Variants in YWHAZ observed in about 807,000 individuals in gnomAD.
YWHAZ encodes the protein tyrosine 3-monooxygenase/tryptophan 5-monooxygenase activation protein zeta, also known as 14-3-3 protein zeta/delta.
For synonymous variants in YWHAZ, 87 were observed against 103.6 expected, an observed-to-expected ratio of 0.84 and a Z score of 0.97; for missense variants, 79 against 284.8, an observed-to-expected ratio of 0.28 and a Z score of 5.20.
chr8:100,938,040 G>C, intron 2 of YWHAZ, among the ~76,000 whole-genome samples: 1 of 152,150 alleles, frequency 6.6e-6, no homozygotes, highest in East Asian at 1.9e-4. Flanking sequence ...TGAGGCGGGA[G>C]AATCACTTGA....
chr8:100,952,124 C>G, upstream of YWHAZ: 3 of 986,374 alleles, frequency 3.0e-6, no homozygotes, highest in Non-Finnish European at 2.4e-6. Context: ...TGACGTCAAA[C>G]GCTGCTATGG....
At chr8:100,925,079 T>G in intron 2 of YWHAZ, 40 bp from the exon 3 acceptor site, 1 of 1,563,852 alleles carries the variant, frequency 6.4e-7, no homozygotes, top group East Asian at 2.3e-5. Flanking sequence ...GAATAAAACA[T>G]TTACAAAACT....
intron 2 of YWHAZ, among the ~76,000 whole-genome samples, chr8:100,942,606 A>T (rs1809955785): frequency 6.6e-6 from 1 of 152,252 alleles, no homozygotes; most frequent in African/African-American, 2.4e-5. Flanking sequence ...TCTGATGCTG[A>T]AAGACAGATA....
rs1313350013 is a variant in YWHAZ at position 100,951,986 on chromosome 8, G to A, written c.-69C>T. On this transcript the variant is annotated 5_prime_UTR_variant, in exon 1 of 6. Coordinates refer to ENST00000395958, the MANE Select transcript of YWHAZ (RefSeq NM_145690.3). ...ACGGGCTCAGCAGTCTCTGGGCGGC[G>A]GCGGCGGCAGCAGCGGCGAGGCTGA... 4.0e-6 allele frequency: 4 copies of A among 1,004,428 alleles called. No homozygotes were observed. The highest frequency in any genetic ancestry group is 6.1e-5 in the Admixed American group (1 of 16,520). 62.2% of individuals were successfully genotyped at this position (1,004,428 alleles called of 1,614,324 possible). A position where few individuals can be genotyped will look rare whatever the true frequency, so the allele number is the denominator to read the frequency against.
At chr8:100,952,169 C>T (rs1810842618), upstream of YWHAZ, 2 of 984,920 alleles carry the variant, frequency 2.0e-6, no homozygotes, top group Non-Finnish European at 1.2e-6. Context: ...GATCGGGGCC[C>T]CGCGTAACCG....
intron 1 of YWHAZ, chr8:100,951,047 T>G: frequency 2.8e-4 from 21 of 74,266 alleles, no homozygotes; most frequent in Non-Finnish European, 4.1e-4. Flanking sequence ...CGTCCACACC[T>G]CCCCCGCCCG....
Position 100,924,186 on chromosome 8 carries a change from G to C in YWHAZ, c.531C>G (p.Phe177Leu). The change falls in exon 4 of 6, where the codon TTC (phenylalanine) becomes TTG (leucine). Residue 177 changes from phenylalanine to leucine, a missense_variant. Physicochemically the swap from Phe to Leu is conservative, Grantham distance 22. Transcript: ENST00000395958. This position sits in a 1 kb window ranked among gnomAD's most constrained non-coding sequence, Gnocchi z 5.7. ...CTGGGGAGTTCAGAATCTCATAATAGAACACAGAGAAGTTAAGGGCCAGAC... is the reference window on the plus strand; with the variant it reads ...CTGGGGAGTTCAGAATCTCATAATACAACACAGAGAAGTTAAGGGCCAGAC... ...RLGLALNFSV[F>L]YYEILNSPEK... 2 of 1,613,890 alleles carry C rather than the reference G, an allele frequency of 1.2e-6. No individual in the cohort carries two copies. The highest frequency in any genetic ancestry group is 1.7e-6 in the Non-Finnish European group (2 of 1,179,940).
chr8:100,935,401 G>C (rs1361816975), intron 2 of YWHAZ, among the ~76,000 whole-genome samples: 1 of 152,130 alleles, frequency 6.6e-6, no homozygotes, highest in East Asian at 1.9e-4. Flanking sequence ...ATCATCAAGA[G>C]TGTATTACCT....
intron 1 of YWHAZ, among the ~76,000 whole-genome samples, chr8:100,949,479 A>C (rs368678221): frequency 6.6e-6 from 1 of 152,160 alleles, no homozygotes; most frequent in Non-Finnish European, 1.5e-5. Flanking sequence ...CAATAATAGC[A>C]TAACAATTTG....
rs983478579 is a variant in YWHAZ at position 100,948,083 on chromosome 8, G to A, written c.294+513C>T. On this transcript the variant is annotated intron_variant, in intron 2 of 5. Coordinates refer to ENST00000395958, the MANE Select transcript of YWHAZ (RefSeq NM_145690.3). This position sits in a 1 kb window ranked among gnomAD's most constrained non-coding sequence, Gnocchi z 4.2. ...GTGAGTGTTCAAAATTTACCTTCAA[G>A]AATTCAATGCAGGAAGAGGTTTCAT... 6.5e-6 allele frequency: 10 copies of A among 1,533,394 alleles called. No homozygotes were observed. The African/African-American group carries it at 9.6e-5, about 15-fold the overall frequency. The allele number at this position is 1,533,394 out of a possible 1,614,324, so 95.0% of individuals were successfully genotyped here.
rs1196291502 is a variant in YWHAZ at position 100,941,372 on chromosome 8, T to C, written c.294+7224A>G. ...TAGGTCTGTCTCAGAAAAGCGTTTG[T>C]AATTAATCACTTAGATGAGAAACAT... On this transcript the variant is annotated intron_variant, in intron 2 of 5. Coordinates refer to ENST00000395958, the MANE Select transcript of YWHAZ (RefSeq NM_145690.3). Among the ~76,000 whole-genome samples, 5 of 152,308 alleles carry C rather than the reference T, an allele frequency of 3.3e-5. No homozygotes were observed. In the South Asian group the frequency reaches 6.2e-4, roughly 19 times the overall value.
rs116947376 is a variant in YWHAZ, at chr8:100,930,970, C to G, written c.295-5931G>C. ...ACTCTTTGGTAAACAGCTCCTAATC[C>G]AGAGTTAAATATGTGATATGGGCTC... On this transcript the variant is annotated intron_variant, in intron 2 of 5. Coordinates refer to ENST00000395958, the MANE Select transcript of YWHAZ (RefSeq NM_145690.3). 9.9e-5 allele frequency among the ~76,000 whole-genome samples: 15 copies of G among 152,262 alleles called. No individual in the cohort carries two copies. In the East Asian group the frequency reaches 2.7e-3, roughly 27 times the overall value.
At chr8:100,950,685 G>A in intron 1 of YWHAZ, 1 of 811,658 alleles carries the variant, frequency 1.2e-6, no homozygotes, top group Non-Finnish European at 1.5e-6. Context: ...GGGGAGCGAA[G>A]CCGCCCGACC....
chr8:100,924,324 T>G lies in YWHAZ; in HGVS notation c.419-26A>C. ...CTGGATAAGACACACCAAAACGTAC[T>G]GAGATAAAGTGTGCATTATATCTTC... On this transcript the variant is annotated intron_variant, in intron 3 of 5. Coordinates refer to ENST00000395958, the MANE Select transcript of YWHAZ (RefSeq NM_145690.3). This position sits in a 1 kb window ranked among gnomAD's most constrained non-coding sequence, Gnocchi z 5.7. 1.3e-6 allele frequency: 2 copies of G among 1,598,500 alleles called. No homozygotes were observed. The highest frequency in any genetic ancestry group is 1.7e-6 in the Non-Finnish European group (2 of 1,175,286).
chr8:100,942,494 C>T (rs916628776), intron 2 of YWHAZ, among the ~76,000 whole-genome samples: 2 of 152,140 alleles, frequency 1.3e-5, no homozygotes, highest in Admixed American at 1.3e-4. Context: ...CTTCCCACAC[C>T]AAAATTTACA....
In YWHAZ at chr8:100,926,697, C is replaced by T. The variant is rs116185129; in HGVS notation, c.295-1658G>A. ...GGTTAGGATAGCAACCTCTGTCTTA[C>T]ACCACATTCATACTTTCATATTCAA... On this transcript the variant is annotated intron_variant, in intron 2 of 5. Coordinates refer to ENST00000395958, the MANE Select transcript of YWHAZ (RefSeq NM_145690.3). Among the ~76,000 whole-genome samples, 1,433 of 152,314 alleles carry T rather than the reference C, an allele frequency of 9.4e-3. 21 individuals carry two copies. The highest frequency in any genetic ancestry group is 0.031 in the African/African-American group (1,307 of 41,568).
At chr8:100,947,984 G>C in intron 2 of YWHAZ, 3 of 907,714 alleles carry the variant, frequency 3.3e-6, no homozygotes, top group Non-Finnish European at 4.9e-6. Flanking sequence ...AACACAGTAA[G>C]TACTGAATAC....
At chr8:100,949,269 G>A (rs1207570630) in intron 1 of YWHAZ, among the ~76,000 whole-genome samples, 1 of 152,108 alleles carries the variant, frequency 6.6e-6, no homozygotes, top group Non-Finnish European at 1.5e-5. Context: ...CCAAAATTAA[G>A]CAGCTTTTCT....
At position 100,924,117 on chromosome 8, in the gene YWHAZ, A is replaced by T. The variant is rs542889914; in HGVS notation, c.582+18T>A. 6.2e-7 allele frequency: 1 copy of T among 1,609,126 alleles called. No individual in the cohort carries two copies. Among genetic ancestry groups the T allele is most frequent in the East Asian group, 2.2e-5 (1 of 44,844 alleles). The stretch of plus-strand genomic sequence containing the variant: ...AATAAAGACTGCTAAATTTCTACGT[A>T]ACAGGTAAAATACATACTGTCTTTG... On this transcript the variant is annotated intron_variant, in intron 4 of 5. Coordinates refer to ENST00000395958, the MANE Select transcript of YWHAZ (RefSeq NM_145690.3). This position sits in a 1 kb window ranked among gnomAD's most constrained non-coding sequence, Gnocchi z 5.7.
Sources: gnomAD v4.1 joint callset for allele counts (sites outside exome capture counted in the v4.1 genomes callset) on GRCh38, gnomAD v4.1.1 for gene constraint, Gnocchi (gnomAD v3.1) non-coding constraint, MANE v1.5 for transcripts, NCBI Gene and HGNC (gene_info 2026-07-23, HGNC 2026-07-21) for gene names.